The following PKHD1 variants were observed in gnomAD, a reference collection of about 807,000 sequenced individuals.
PKHD1 encodes fibrocystin.
In PKHD1, 291 loss-of-function variants were observed where a neutral mutation model predicts 412.0. The ratio of observed to expected loss-of-function variants is 0.71; its 90% CI spans 0.64 to 0.78. The LOEUF is 0.78. Ranked by LOEUF, PKHD1 falls within the 30% of genes least tolerant of loss-of-function variation. The probability of loss-of-function intolerance (pLI) is 0.00; values close to 1 mark genes in which losing one functional copy is unlikely to be tolerated. For missense variants in PKHD1, 4,825 were observed against 4,950.7 expected (o/e 0.97, Z 0.76); for synonymous variants, 1,777 against 1,821.5 (o/e 0.98, Z 0.62).
intron 61 of PKHD1, among the ~76,000 whole-genome samples, chr6:51,653,035 G>T (rs192091201): frequency 9.2e-5 from 14 of 152,124 alleles, no homozygotes; most frequent in Admixed American, 2.6e-4. Context: ...AATATATTAT[G>T]TTTATATACA....
intron 52 of PKHD1, among the ~76,000 whole-genome samples, chr6:51,808,947 T>C (rs1475844149): frequency 1.3e-5 from 2 of 152,022 alleles, no homozygotes; most frequent in Admixed American, 1.3e-4. Context: ...CCATAATCAC[T>C]GGAGACAACT....
intron 61 of PKHD1, among the ~76,000 whole-genome samples, chr6:51,654,917 A>T (rs6922220): frequency 0.087 from 13,182 of 152,136 alleles, 1,087 homozygotes; most frequent in African/African-American, 0.22. Context: ...TTTTTTAACG[A>T]TTAAGAGTTG....
intron 34 of PKHD1, 65 bp from the exon 35 acceptor site, chr6:52,010,524 C>G: frequency 3.8e-6 from 5 of 1,328,148 alleles, no homozygotes; most frequent in Non-Finnish European, 5.4e-6. Context: ...TATTTTTACT[C>G]TTATTAATCA....
At chr6:51,806,359 A>C (rs1763784399) in intron 52 of PKHD1, among the ~76,000 whole-genome samples, 1 of 152,178 alleles carries the variant, frequency 6.6e-6, no homozygotes, top group African/African-American at 2.4e-5. Flanking sequence ...ATAAAGTGTC[A>C]AGAACAACCC....
intron 52 of PKHD1, among the ~76,000 whole-genome samples, chr6:51,829,959 G>A (rs753333023): frequency 1.3e-5 from 2 of 152,098 alleles, no homozygotes; most frequent in Non-Finnish European, 2.9e-5. Context: ...TAAAAGTGGG[G>A]ATAATAATAT....
chr6:51,784,838 C>T (rs1367272362), intron 53 of PKHD1, among the ~76,000 whole-genome samples: 3 of 152,002 alleles, frequency 2.0e-5, no homozygotes, highest in Admixed American at 6.6e-5. Flanking sequence ...TTCAAGTCTT[C>T]GCAGGTCTAG....
chr6:51,710,213 C>CA (rs999915097), intron 60 of PKHD1, among the ~76,000 whole-genome samples: 13 of 150,314 alleles, frequency 8.6e-5, no homozygotes, highest in Admixed American at 2.6e-4. Context: ...CCATCTCAAC[C>CA]AAAAAAAAAT....
intron 37 of PKHD1, among the ~76,000 whole-genome samples, chr6:51,914,561 A>G (rs537288966): frequency 2.5e-4 from 38 of 152,208 alleles, no homozygotes; most frequent in African/African-American, 9.1e-4. Context: ...TATTCCTTTA[A>G]GTATTCCTCC....
chr6:52,086,539 C>G (rs188959773), intron 1 of PKHD1, among the ~76,000 whole-genome samples: 15 of 152,284 alleles, frequency 9.9e-5, no homozygotes, highest in African/African-American at 3.6e-4. Flanking sequence ...AATAAACTCA[C>G]CTTACGGGCA....
At chr6:52,030,338 A>G (rs142118287) in intron 29 of PKHD1, among the ~76,000 whole-genome samples, 396 of 152,252 alleles carry the variant, frequency 2.6e-3, no homozygotes, top group Middle Eastern at 6.8e-3. Context: ...AGCCCATCCC[A>G]TGTGGTTTGT....
At chr6:51,688,146 G>A (rs1231371696) in intron 60 of PKHD1, among the ~76,000 whole-genome samples, 2 of 152,164 alleles carry the variant, frequency 1.3e-5, no homozygotes, top group African/African-American at 4.8e-5. Context: ...AAAGAGATCT[G>A]TTTATTAATT....
intron 35 of PKHD1, among the ~76,000 whole-genome samples, chr6:52,002,986 G>T (rs555991111): frequency 2.4e-4 from 36 of 152,198 alleles, no homozygotes; most frequent in African/African-American, 8.2e-4. Flanking sequence ...CATCAAAGAG[G>T]AATCCAATAT....
At chr6:52,047,270 C>T (rs116403386) in intron 23 of PKHD1, among the ~76,000 whole-genome samples, 302 of 152,168 alleles carry the variant, frequency 2.0e-3, no homozygotes, top group Middle Eastern at 0.014. Context: ...ATGTTTTTTC[C>T]CCCATTTACC....
intron 50 of PKHD1, among the ~76,000 whole-genome samples, chr6:51,844,272 A>G (rs1212489361): frequency 6.6e-6 from 1 of 152,206 alleles, no homozygotes; most frequent in Non-Finnish European, 1.5e-5. Context: ...CAGGTAAAAT[A>G]ACCAGCCAGC....
At chr6:51,982,152 T>C (rs1795443324) in intron 35 of PKHD1, among the ~76,000 whole-genome samples, 3 of 44,796 alleles carry the variant, frequency 6.7e-5, no homozygotes, top group Non-Finnish European at 1.0e-4. Flanking sequence ...GAGGAGCGTC[T>C]CCGCCCGGCA....
chr6:52,084,999 G>T lies in PKHD1; in HGVS notation c.-66C>A. 4 of 1,038,644 alleles carry T rather than the reference G, an allele frequency of 3.9e-6. No individual in the cohort carries two copies. In the South Asian group the frequency reaches 5.0e-5, roughly 13 times the overall value. The allele number at this position is 1,038,644 out of a possible 1,614,324, so 64.3% of individuals were successfully genotyped here. ...TTAAAAGCATTTTCAGTTTTGATTG[G>T]AGCAGCATAGCTTTTGTGCTTTATA... On this transcript the variant is annotated 5_prime_UTR_variant, in exon 2 of 67. Transcript: ENST00000371117.
chr6:51,992,593 T>C (rs947152809), intron 35 of PKHD1, among the ~76,000 whole-genome samples: 1 of 152,204 alleles, frequency 6.6e-6, no homozygotes, highest in African/African-American at 2.4e-5. Context: ...AGGGAAATTT[T>C]AGAACAATTT....
chr6:51,903,708 A>G lies in PKHD1; in HGVS notation c.6885T>C (p.Asn2295=), dbSNP rs749198425. 18 of 1,611,330 alleles carry G rather than the reference A, an allele frequency of 1.1e-5. No individual in the cohort carries two copies. The South Asian group carries it at 1.8e-4, about 16-fold the overall frequency. ...GGATGATCACGTTGTTTCTTATTAT[A>G]TTTCCATGTCCTGACCAGTCTAATG... is the stretch of plus-strand genomic sequence containing the variant. ...GRKDDWSGHG[N]IIRNNVIIQV... Residue 2295 remains asparagine, a synonymous_variant, in exon 43 of 67, where the codon AAT becomes AAC. Transcript: ENST00000371117.
Position 51,682,094 on chromosome 6 carries a change from G to C in PKHD1, c.10157-22125C>G, listed in dbSNP as rs549100969. The C allele has an allele frequency of 1.8e-4, 67 of 375,720 alleles. 1 individual carries two copies. Among genetic ancestry groups the C allele is most frequent in the South Asian group, 1.4e-3 (67 of 48,358 alleles). 23.3% of individuals were successfully genotyped at this position (375,720 alleles called of 1,614,324 possible). Reference sequence around the variant, plus strand: ...GCTGTTGAGATATATACAGCATCAGGGTAGACTAGGTTAGGATGTCAGTAC... The same window carrying C: ...GCTGTTGAGATATATACAGCATCAGCGTAGACTAGGTTAGGATGTCAGTAC... On this transcript the variant is annotated intron_variant, in intron 60 of 66. Coordinates refer to ENST00000371117, the MANE Select transcript of PKHD1 (RefSeq NM_138694.4).
Sources: gnomAD v4.1 joint callset for allele counts (sites outside exome capture counted in the v4.1 genomes callset) on GRCh38, gnomAD v4.1.1 for gene constraint, MANE v1.5 for transcripts, NCBI Gene and HGNC (gene_info 2026-07-23, HGNC 2026-07-21) for gene names.